Variants in DCLK1 observed in about 807,000 individuals in gnomAD.
The protein encoded by DCLK1 is doublecortin like kinase 1.
A neutral mutation model predicts 86.2 loss-of-function variants in DCLK1; 16 were observed. That is an observed-to-expected ratio of 0.19 (90% CI 0.13 to 0.28). The LOEUF (loss-of-function observed/expected upper bound fraction) is 0.28, where lower values mean the gene tolerates loss of function less well. Ranked by LOEUF, DCLK1 falls within the 10% of genes least tolerant of loss-of-function variation. The pLI, the probability that DCLK1 is intolerant of heterozygous loss-of-function variation, is 1.00. For synonymous variants in DCLK1, 369 were observed against 370.5 expected (o/e 1.00, Z 0.05); for missense variants, 590 against 940.2 (o/e 0.63, Z 4.87).
At chr13:35,776,780 T>C (rs2086431905) in intron 16 of DCLK1, among the ~76,000 whole-genome samples, 1 of 152,202 alleles carries the variant, frequency 6.6e-6, no homozygotes, top group Middle Eastern at 3.2e-3. Flanking sequence ...CTCAGTACTT[T>C]CCCTCTTTCC....
upstream of DCLK1, among the ~76,000 whole-genome samples, chr13:36,131,925 G>A (rs1369925735): frequency 6.6e-6 from 1 of 152,252 alleles, no homozygotes; most frequent in Non-Finnish European, 1.5e-5. Context: ...ACATTGGGAA[G>A]AGCTGGATCT....
chr13:36,074,228 C>A (rs1300517525), intron 3 of DCLK1, among the ~76,000 whole-genome samples: 2 of 151,916 alleles, frequency 1.3e-5, no homozygotes, highest in Non-Finnish European at 2.9e-5. Context: ...GACGGCCGGG[C>A]GTGGTGGCTC....
In DCLK1 at chr13:36,063,153, C is replaced by G. The variant is rs567891864; in HGVS notation, c.723+48716G>C. ...TTGATCATGATTTTCATCATCTCAG[C>G]TATGATAAAGATTATTAACTTTTAG... On this transcript the variant is annotated intron_variant, in intron 3 of 16. Transcript: ENST00000360631. Among the ~76,000 whole-genome samples the G allele has an allele frequency of 5.9e-5, 9 of 152,274 alleles. No homozygotes were observed. In the South Asian group the frequency reaches 1.9e-3, roughly 32 times the overall value.
chr13:35,799,175 G>T (rs1423265367), intron 15 of DCLK1, among the ~76,000 whole-genome samples: 1 of 152,178 alleles, frequency 6.6e-6, no homozygotes, highest in African/African-American at 2.4e-5. Context: ...AATTAAATCA[G>T]AATGTCTGGG....
chr13:35,856,795 C>T (rs573461428), intron 5 of DCLK1, among the ~76,000 whole-genome samples: 19 of 152,294 alleles, frequency 1.2e-4, no homozygotes, highest in South Asian at 8.3e-4. Flanking sequence ...ATATATGCAT[C>T]TGTGTGCATC....
At chr13:35,832,502 G>T (rs1297976940) in intron 8 of DCLK1, among the ~76,000 whole-genome samples, 1 of 152,174 alleles carries the variant, frequency 6.6e-6, no homozygotes, top group Non-Finnish European at 1.5e-5. Context: ...AAAGTTCTCT[G>T]TATGGGGCTG....
At chr13:35,932,143 C>T (rs1047593330) in intron 4 of DCLK1, among the ~76,000 whole-genome samples, 1 of 152,146 alleles carries the variant, frequency 6.6e-6, no homozygotes, top group South Asian at 2.1e-4. Flanking sequence ...TCATCCAATC[C>T]ACGAAAGCCT....
intron 3 of DCLK1, among the ~76,000 whole-genome samples, chr13:36,062,199 A>T (rs1883577228): frequency 6.6e-6 from 1 of 152,182 alleles, no homozygotes; most frequent in Admixed American, 6.5e-5. Context: ...GAAATACTGT[A>T]TTTAACTCTG....
intron 3 of DCLK1, among the ~76,000 whole-genome samples, chr13:35,979,980 TAC>T (rs1879552247): frequency 6.6e-6 from 1 of 152,236 alleles, no homozygotes; most frequent in Non-Finnish European, 1.5e-5. Flanking sequence ...CAATAGGAGA[TAC>T]ACTTTTATTT....
intron 4 of DCLK1, among the ~76,000 whole-genome samples, chr13:35,892,797 G>A (rs1374940940): frequency 6.6e-6 from 1 of 152,114 alleles, no homozygotes; most frequent in Non-Finnish European, 1.5e-5. Flanking sequence ...TTGTCTGGTA[G>A]CCCCTCCTGT....
intron 3 of DCLK1, among the ~76,000 whole-genome samples, chr13:36,069,245 A>G (rs1306885122): frequency 6.8e-6 from 1 of 146,606 alleles, no homozygotes; most frequent in Admixed American, 6.8e-5. Flanking sequence ...AAACTAGAGA[A>G]AAAGGTTTCA....
chr13:36,114,452 C>A (rs931200118), intron 2 of DCLK1, among the ~76,000 whole-genome samples: 5 of 152,182 alleles, frequency 3.3e-5, no homozygotes, highest in Admixed American at 2.0e-4. Context: ...AGGAAAGCAA[C>A]AGCTAAAGGA....
intron 3 of DCLK1, among the ~76,000 whole-genome samples, chr13:36,052,358 G>A (rs1419455312): frequency 2.6e-5 from 4 of 152,068 alleles, no homozygotes; most frequent in Admixed American, 6.6e-5. Flanking sequence ...AGAAGAATTT[G>A]TTTTATAAGG....
At chr13:35,997,938 TC>T (rs1213121115) in intron 3 of DCLK1, among the ~76,000 whole-genome samples, 1 of 152,186 alleles carries the variant, frequency 6.6e-6, no homozygotes, top group Non-Finnish European at 1.5e-5. Flanking sequence ...CAGTCTACTT[TC>T]CCACTAAGTG....
chr13:35,797,796 G>A (rs1001320396), intron 15 of DCLK1, among the ~76,000 whole-genome samples: 4 of 152,024 alleles, frequency 2.6e-5, no homozygotes, highest in African/African-American at 9.7e-5. Context: ...CTGTACCTGC[G>A]CCATACAGAT....
chr13:36,116,601 A>G (rs955465127), intron 2 of DCLK1, among the ~76,000 whole-genome samples: 1 of 152,136 alleles, frequency 6.6e-6, no homozygotes, highest in Non-Finnish European at 1.5e-5. Context: ...TCTGAAAATG[A>G]CCTCATCTCC....
chr13:35,947,524 G>A (rs1186567510), intron 3 of DCLK1, 67 bp from the exon 4 acceptor site: 5 of 1,320,914 alleles, frequency 3.8e-6, no homozygotes, highest in Non-Finnish European at 5.4e-6. Flanking sequence ...GCAACCCCAC[G>A]AGCAGACATC....
At chr13:35,887,878 C>CAAAAAAAAAAAAAAA (rs760195385) in intron 4 of DCLK1, among the ~76,000 whole-genome samples, 4 of 38,740 alleles carry the variant, frequency 1.0e-4, no homozygotes, top group Non-Finnish European at 1.5e-4. Flanking sequence ...GATCTTGTCT[C>CAAAAAAAAAAAAAAA]AAAAAAAAAA....
intron 6 of DCLK1, chr13:35,849,913 A>G (rs1870487126): frequency 2.1e-6 from 2 of 959,496 alleles, no homozygotes; most frequent in Admixed American, 1.2e-4. Context: ...TTAAAAAATT[A>G]TGTATATGAT....
Sources: gnomAD v4.1 joint callset for allele counts (sites outside exome capture counted in the v4.1 genomes callset) on GRCh38, gnomAD v4.1.1 for gene constraint, MANE v1.5 for transcripts, NCBI Gene and HGNC (gene_info 2026-07-23, HGNC 2026-07-21) for gene names.